The following DCLK3 variants were observed in gnomAD, a reference collection of about 807,000 sequenced individuals.
DCLK3 encodes the protein serine/threonine-protein kinase DCLK3.
In DCLK3, 30 loss-of-function variants were observed where a neutral mutation model predicts 46.4. That is an observed-to-expected ratio of 0.65 (90% CI 0.48 to 0.88). DCLK3 has a LOEUF of 0.88. Among genes scored for constraint, DCLK3 ranks in the 40% least tolerant of loss-of-function variants. DCLK3 has a pLI of 0.00. For missense variants in DCLK3, 846 were observed against 907.1 expected (o/e 0.93, Z 0.87); for synonymous variants, 401 against 339.2 (o/e 1.18, Z -2.00).
At chr3:36,721,403 C>G in intron 3 of DCLK3, 124 bp downstream of exon 3, 1 of 1,339,124 alleles carries the variant, frequency 7.5e-7, no homozygotes, top group Non-Finnish European at 1.0e-6. Context: ...TCATTGAAGT[C>G]CAAATCCAAG....
rs756056409 is a variant in DCLK3, at chr3:36,737,817, C to CT, written c.1349dup (p.Ala451GlyfsTer4). 1.2e-6 allele frequency: 2 copies of CT among 1,614,096 alleles called. No individual in the cohort carries two copies. The highest frequency in any genetic ancestry group is 1.7e-6 in the Non-Finnish European group (2 of 1,180,036). ...TCCTGCGGAGCTTCTCAAAGCCCGC[C>CT]TGGTGCTCTCTCAGGAGCCAGCCAC... On this transcript the variant is annotated frameshift_variant, in exon 2 of 5. Coordinates refer to ENST00000636136, the MANE Select transcript of DCLK3 (RefSeq NM_001394672.2). LOFTEE classifies it high-confidence loss of function. This position sits in a 1 kb window ranked among gnomAD's most constrained non-coding sequence, Gnocchi z 4.4.
At position 36,748,282 on chromosome 3, in the gene DCLK3, T is replaced by A. The variant is rs138868345; in HGVS notation, c.83-9198A>T. 1.6e-3 allele frequency among the ~76,000 whole-genome samples: 243 copies of A among 152,298 alleles called. 1 individual carries two copies. Among genetic ancestry groups the A allele is most frequent in the Admixed American group, 0.013 (199 of 15,310 alleles). ...GAGCAATGAGAAAGAGGGGACAGTA[T>A]GGCCTCTCCCCCTGTGCTCCCAATC... On this transcript the variant is annotated intron_variant, in intron 1 of 4. Transcript: ENST00000636136.
At chr3:36,747,425 T>C (rs1701402843) in intron 1 of DCLK3, among the ~76,000 whole-genome samples, 1 of 151,290 alleles carries the variant, frequency 6.6e-6, no homozygotes, top group African/African-American at 2.4e-5. Context: ...TGAGCTTATA[T>C]GGGGGAAAAA....
At chr3:36,757,246 G>T (rs936343850) in intron 1 of DCLK3, among the ~76,000 whole-genome samples, 1 of 152,086 alleles carries the variant, frequency 6.6e-6, no homozygotes, top group Non-Finnish European at 1.5e-5. Flanking sequence ...TCCCCAAAGT[G>T]CAGTGTTTCC....
At chr3:36,720,759 A>T (rs1172549683) in intron 3 of DCLK3, among the ~76,000 whole-genome samples, 1 of 152,112 alleles carries the variant, frequency 6.6e-6, no homozygotes, top group Admixed American at 6.5e-5. Context: ...CACCTGCCTC[A>T]GCCTCCCAAA....
chr3:36,748,338 C>T (rs772383682), intron 1 of DCLK3, among the ~76,000 whole-genome samples: 9 of 152,320 alleles, frequency 5.9e-5, no homozygotes, highest in South Asian at 4.1e-4. Flanking sequence ...GTTGTTGGAA[C>T]ACAGGGTTGA....
rs765607463 is a variant in DCLK3, at chr3:36,718,066, A to T, written c.2204T>A (p.Ile735Asn). Residue 735 changes from isoleucine (I) to asparagine (N), a missense_variant, in exon 4 of 5, where the codon ATC (isoleucine) becomes AAC (asparagine). Ile to Asn is a moderately radical substitution (Grantham distance 149). Coordinates refer to ENST00000636136, the MANE Select transcript of DCLK3 (RefSeq NM_001394672.2). ...PERDQDELFN[I>N]IQLGHFEFLP... ...GAACTCAAAGTGGCCCAGCTGGATG[A>T]TGTTAAAGAGCTCGTCCTGGTCCCT... The T allele has an allele frequency of 1.2e-6, 2 of 1,614,036 alleles. No homozygotes were observed. Among genetic ancestry groups the T allele is most frequent in the African/African-American group, 2.7e-5 (2 of 74,904 alleles).
Position 36,718,133 on chromosome 3 carries a change from A to G in DCLK3, c.2137T>C (p.Tyr713His), listed in dbSNP as rs1385859683. The change falls in exon 4 of 5, where the codon TAT becomes CAT. Residue 713 changes from tyrosine (Y) to histidine (H), a missense_variant. This residue lies in a region of DCLK3 where 247 missense variants were observed against 322.8 expected (regional missense o/e 0.77). Transcript: ENST00000636136. ...VDMWAAGVIL[Y>H]ILLCGFPPFR... The stretch of plus-strand genomic sequence containing the variant: ...GGGGGAAAGCCACACAGCAGGATAT[A>G]GAGGATCACGCCAGCAGCCCACATG... 6.2e-7 allele frequency: 1 copy of G among 1,614,068 alleles called. No homozygotes were observed. The highest frequency in any genetic ancestry group is 8.5e-7 in the Non-Finnish European group (1 of 1,180,034).
Position 36,735,144 on chromosome 3 carries a change from AG to A in DCLK3, c.1959+2063del, listed in dbSNP as rs553005763. Among the ~76,000 whole-genome samples the A allele has an allele frequency of 2.2e-3, 340 of 152,362 alleles. 1 individual carries two copies. Among genetic ancestry groups the A allele is most frequent in the Non-Finnish European group, 3.8e-3 (258 of 68,036 alleles). Reference sequence around the variant, plus strand: ...TCGTGGGACCTCCTCAGGCCTCGAAAGGGATCTCTCCTGCTTAGACAATTCG... The same window carrying A: ...TCGTGGGACCTCCTCAGGCCTCGAAAGGATCTCTCCTGCTTAGACAATTCG... On this transcript the variant is annotated intron_variant, in intron 2 of 4. Coordinates refer to ENST00000636136, the MANE Select transcript of DCLK3 (RefSeq NM_001394672.2).
chr3:36,739,524 C>T (rs1177753451), intron 1 of DCLK3, among the ~76,000 whole-genome samples: 2 of 152,216 alleles, frequency 1.3e-5, no homozygotes, highest in Non-Finnish European at 2.9e-5. Context: ...ATGGTTACAT[C>T]AGGGGTTTCC....
Position 36,738,597 on chromosome 3 carries a change from G to A in DCLK3, c.570C>T (p.Asn190=). The change falls in exon 2 of 5, where the codon AAC becomes AAT. Residue 190 remains asparagine (N), a synonymous_variant. Coordinates refer to ENST00000636136, the MANE Select transcript of DCLK3 (RefSeq NM_001394672.2). ...IQVAVEELYP[N]KARALTLAQH... ...GGGCCAGTGTCAGGGCCCGGGCTTT[G>A]TTGGGGTACAGTTCTTCTACAGCCA... 1 of 1,398,598 alleles carries A rather than the reference G, an allele frequency of 7.2e-7. No homozygotes were observed. The allele number at this position is 1,398,598 out of a possible 1,614,324, so 86.6% of individuals were successfully genotyped here.
At position 36,737,122 on chromosome 3, in the gene DCLK3, G is replaced by A; in HGVS notation, c.1959+86C>T. On this transcript the variant is annotated intron_variant, in intron 2 of 4. Coordinates refer to ENST00000636136, the MANE Select transcript of DCLK3 (RefSeq NM_001394672.2). This position sits in a 1 kb window ranked among gnomAD's most constrained non-coding sequence, Gnocchi z 4.4. Reference sequence around the variant, plus strand: ...TAAAAGTAAAATTCTAGTGTGTAAAGGTGACAGAGTATAAAACAATTAATA... The same window carrying A: ...TAAAAGTAAAATTCTAGTGTGTAAAAGTGACAGAGTATAAAACAATTAATA... The A allele has an allele frequency of 6.8e-7, 1 of 1,476,908 alleles. No homozygotes were observed. The highest frequency in any genetic ancestry group is 9.0e-7 in the Non-Finnish European group (1 of 1,107,686). 91.5% of individuals were successfully genotyped at this position (1,476,908 alleles called of 1,614,324 possible).
chr3:36,748,954 G>A (rs751420913), intron 1 of DCLK3, among the ~76,000 whole-genome samples: 1 of 152,034 alleles, frequency 6.6e-6, no homozygotes, highest in East Asian at 1.9e-4. Context: ...TGAGACATCC[G>A]ATGCTGGTTG....
At position 36,721,584 on chromosome 3, in the gene DCLK3, T is replaced by C. The variant is rs964542200; in HGVS notation, c.2035A>G (p.Ile679Val). ...GTTGGGGTCCCACACACAGTAAATA[T>C]AGGTCTCACCACATGCTTTGCAAGT... ...FGLAKHVVRP[I>V]FTVCGTPTYV... Residue 679 changes from isoleucine (I) to valine (V), a missense_variant, in exon 3 of 5, where the codon ATA (isoleucine) becomes GTA (valine). Physicochemically the swap from Ile to Val is conservative, Grantham distance 29 (BLOSUM62 3). Transcript: ENST00000636136. 3 of 1,614,082 alleles carry C rather than the reference T, an allele frequency of 1.9e-6. No individual in the cohort carries two copies. The highest frequency in any genetic ancestry group is 2.5e-6 in the Non-Finnish European group (3 of 1,180,032).
At chr3:36,723,013 G>A (rs1048803218) in intron 2 of DCLK3, among the ~76,000 whole-genome samples, 2 of 152,208 alleles carry the variant, frequency 1.3e-5, no homozygotes, top group African/African-American at 2.4e-5. Flanking sequence ...GGGAAAGTTT[G>A]TAACTTCCTA....
chr3:36,731,262 C>T (rs928988380), intron 2 of DCLK3, among the ~76,000 whole-genome samples: 3 of 152,112 alleles, frequency 2.0e-5, no homozygotes, highest in African/African-American at 4.8e-5. Flanking sequence ...AGATGATCAT[C>T]TCAAATTCAA....
At chr3:36,728,089 ACT>A (rs1167065078) in intron 2 of DCLK3, among the ~76,000 whole-genome samples, 1 of 152,052 alleles carries the variant, frequency 6.6e-6, no homozygotes, top group Non-Finnish European at 1.5e-5. Flanking sequence ...AGACTCCACA[ACT>A]CTGTGCTGTA....
chr3:36,756,026 A>T (rs1347127025), intron 1 of DCLK3, among the ~76,000 whole-genome samples: 1 of 152,098 alleles, frequency 6.6e-6, no homozygotes, highest in Non-Finnish European at 1.5e-5. Flanking sequence ...CATAACCCCA[A>T]CCACCCCAAA....
At chr3:36,750,098 T>G (rs1431264031) in intron 1 of DCLK3, among the ~76,000 whole-genome samples, 1 of 152,234 alleles carries the variant, frequency 6.6e-6, no homozygotes, top group Non-Finnish European at 1.5e-5. Context: ...TTTACTTATT[T>G]GAGACAGAGT....
Sources: gnomAD v4.1 joint callset for allele counts (sites outside exome capture counted in the v4.1 genomes callset) on GRCh38, gnomAD v4.1.1 for gene constraint, gnomAD v4.1.1 regional missense constraint, Gnocchi (gnomAD v3.1) non-coding constraint, MANE v1.5 for transcripts, NCBI Gene and HGNC (gene_info 2026-07-23, HGNC 2026-07-21) for gene names.